The following FRAS1 variants were observed in gnomAD, a reference collection of about 807,000 sequenced individuals.
FRAS1 encodes the protein extracellular matrix organizing protein FRAS1.
FRAS1 carries 290 observed loss-of-function variants against 435.2 expected under a neutral mutation model. The observed-to-expected ratio is 0.67, with a 90% CI of 0.61 to 0.73. FRAS1 has a LOEUF of 0.73. Among genes scored for constraint, FRAS1 ranks in the 30% least tolerant of loss-of-function variants. The probability of loss-of-function intolerance (pLI) is 0.00; values close to 1 mark genes in which losing one functional copy is unlikely to be tolerated. For synonymous variants in FRAS1, 1,800 were observed against 1,851.0 expected (o/e 0.97, Z 0.71); for missense variants, 4,860 against 5,001.5 (o/e 0.97, Z 0.85).
At chr4:78,321,901 G>A (rs1352729803) in intron 18 of FRAS1, among the ~76,000 whole-genome samples, 1 of 150,996 alleles carries the variant, frequency 6.6e-6, no homozygotes, top group Non-Finnish European at 1.5e-5. Context: ...GTGGTCCCAT[G>A]TGAAAGGACT....
Position 78,278,715 on chromosome 4 carries a change from T to G in FRAS1, c.1042T>G (p.Tyr348Asp), listed in dbSNP as rs1348276894. The change falls in exon 10 of 74, where the codon TAT (tyrosine) becomes GAT (aspartate). Residue 348 changes from tyrosine to aspartate, a missense_variant. By Grantham distance (160) the Tyr-to-Asp change is radical. Transcript: ENST00000512123. ...TCCTGAATGCATTTCAAGGAATGGTTATTGTGTTTATGAAGAAACTGGAGA... is the reference window on the plus strand; with the variant it reads ...TCCTGAATGCATTTCAAGGAATGGTGATTGTGTTTATGAAGAAACTGGAGA... Reference protein sequence around the residue: ...CCPECISRNGYCVYEETGEFM... With the variant: ...CCPECISRNGDCVYEETGEFM... 6.2e-7 allele frequency: 1 copy of G among 1,603,078 alleles called. No individual in the cohort carries two copies. The highest frequency in any genetic ancestry group is 1.1e-5 in the South Asian group (1 of 90,274).
At chr4:78,522,868 G>A in intron 69 of FRAS1, 60 bp downstream of exon 69, 1 of 1,426,432 alleles carries the variant, frequency 7.0e-7, no homozygotes, top group Non-Finnish European at 9.4e-7. Flanking sequence ...TTTCTTTCAG[G>A]AGCTTGGGAA....
chr4:78,306,952 A>T (rs996844375), intron 14 of FRAS1, among the ~76,000 whole-genome samples: 17 of 152,144 alleles, frequency 1.1e-4, no homozygotes, highest in African/African-American at 4.1e-4. Flanking sequence ...TGCTTTTTAG[A>T]GTTTCCAGTT....
chr4:78,437,000 AG>A (rs1280691763), intron 38 of FRAS1, among the ~76,000 whole-genome samples: 1 of 152,190 alleles, frequency 6.6e-6, no homozygotes, highest in Non-Finnish European at 1.5e-5. Flanking sequence ...TGAGCAGAAA[AG>A]TTACCTGAGA....
intron 66 of FRAS1, among the ~76,000 whole-genome samples, chr4:78,517,057 C>A (rs1341216390): frequency 6.6e-6 from 1 of 152,170 alleles, no homozygotes; most frequent in Non-Finnish European, 1.5e-5. Context: ...CAATTTTGAG[C>A]AGTTATCTCA....
chr4:78,057,781 G>A lies in FRAS1; in HGVS notation c.-229G>A, dbSNP rs1245139058. The A allele has an allele frequency of 7.3e-6, 4 of 545,452 alleles. No individual in the cohort carries two copies. The highest frequency in any genetic ancestry group is 1.3e-5 in the Non-Finnish European group (4 of 307,018). The allele number at this position is 545,452 out of a possible 1,614,324, so 33.8% of individuals were successfully genotyped here. A position where few individuals can be genotyped will look rare whatever the true frequency, so the allele number is the denominator to read the frequency against. On this transcript the variant is annotated 5_prime_UTR_variant, in exon 1 of 74. Transcript: ENST00000512123. This position sits in a 1 kb window ranked among gnomAD's most constrained non-coding sequence, Gnocchi z 4.2. ...GGCGTCCTGCCTTGCGGGGGAACTC[G>A]GCGCGCTCTCTGCCTGAGCAGCGAG...
At chr4:78,226,758 T>A (rs1319938188) in intron 2 of FRAS1, among the ~76,000 whole-genome samples, 1 of 152,088 alleles carries the variant, frequency 6.6e-6, no homozygotes. Flanking sequence ...GGCCATATTT[T>A]AAAAAAATTT....
At chr4:78,447,544 T>G (rs1288033992) in intron 43 of FRAS1, among the ~76,000 whole-genome samples, 1 of 152,110 alleles carries the variant, frequency 6.6e-6, no homozygotes, top group Non-Finnish European at 1.5e-5. Context: ...TTCGCTTTCT[T>G]GAATGAAGCA....
intron 2 of FRAS1, among the ~76,000 whole-genome samples, chr4:78,199,870 C>T (rs139046597): frequency 6.6e-6 from 1 of 152,230 alleles, no homozygotes; most frequent in East Asian, 1.9e-4. Flanking sequence ...CATGGTGAGT[C>T]AGTACTCAGT....
chr4:78,216,977 A>AT (rs1177568384), intron 2 of FRAS1, among the ~76,000 whole-genome samples: 2 of 152,202 alleles, frequency 1.3e-5, no homozygotes, highest in African/African-American at 4.8e-5. Flanking sequence ...CTGATGAGAA[A>AT]TTTAAGTTTT....
intron 26 of FRAS1, among the ~76,000 whole-genome samples, chr4:78,376,922 A>G (rs1731788999): frequency 6.6e-6 from 1 of 152,058 alleles, no homozygotes; most frequent in Non-Finnish European, 1.5e-5. Flanking sequence ...TGAACCCAGG[A>G]GGTGGAGGTT....
At position 78,432,465 on chromosome 4, in the gene FRAS1, C is replaced by T. The variant is rs772031213; in HGVS notation, c.5078C>T (p.Thr1693Ile). ...GAGATCTCAGTCACAGATGGCCTCA[C>T]AGTGACAATGCTGGAGGTGAGAGTA... is the stretch of plus-strand genomic sequence containing the variant. ...SMEISVTDGL[T>I]VTMLEVRVEV... Residue 1693 changes from threonine to isoleucine, a missense_variant, in exon 38 of 74, where the codon ACA becomes ATA. Physicochemically the swap from Thr to Ile is moderately conservative, Grantham distance 89. Transcript: ENST00000512123. The T allele has an allele frequency of 6.2e-7, 1 of 1,613,428 alleles. No individual in the cohort carries two copies. The highest frequency in any genetic ancestry group is 1.3e-5 in the African/African-American group (1 of 75,060).
At chr4:78,392,646 G>A (rs527732495) in intron 29 of FRAS1, among the ~76,000 whole-genome samples, 179 of 152,052 alleles carry the variant, frequency 1.2e-3, no homozygotes, top group African/African-American at 4.0e-3. Flanking sequence ...AATTTAAAGC[G>A]CTGTTTTAAT....
At position 78,374,230 on chromosome 4, in the gene FRAS1, C is replaced by T; in HGVS notation, c.3130C>T (p.His1044Tyr). 2 of 1,598,508 alleles carry T rather than the reference C, an allele frequency of 1.3e-6. No homozygotes were observed. Among genetic ancestry groups the T allele is most frequent in the Non-Finnish European group, 1.7e-6 (2 of 1,169,244 alleles). The change falls in exon 25 of 74, where the codon CAT becomes TAT. Residue 1044 changes from histidine (H) to tyrosine (Y), a missense_variant. Transcript: ENST00000512123. ...ATGTGGGAAGGGGTACTTTGCAGATCATGCAAAGCACAAATGCACAGGTAA... is the reference window on the plus strand; with the variant it reads ...ATGTGGGAAGGGGTACTTTGCAGATTATGCAAAGCACAAATGCACAGGTAA... ...QECGKGYFAD[H>Y]AKHKCTACPQ...
Position 78,328,603 on chromosome 4 carries a change from C to T in FRAS1, c.2138-4669C>T, listed in dbSNP as rs75889467. Among the ~76,000 whole-genome samples, 690 of 152,246 alleles carry T rather than the reference C, an allele frequency of 4.5e-3. 7 individuals are homozygous for T. The East Asian group carries it at 0.052, about 11-fold the overall frequency. On this transcript the variant is annotated intron_variant, in intron 18 of 73. Transcript: ENST00000512123. ...TCTTTTATAATAATATTTTCTTAAA[C>T]ATCAGTTCATTCATTTTGTAAAAGG... is the stretch of plus-strand genomic sequence containing the variant.
intron 30 of FRAS1, among the ~76,000 whole-genome samples, chr4:78,407,144 C>A (rs1733130730): frequency 6.6e-6 from 1 of 152,190 alleles, no homozygotes; most frequent in South Asian, 2.1e-4. Flanking sequence ...ATCTGAAACA[C>A]TTCTGGTCCT....
intron 20 of FRAS1, among the ~76,000 whole-genome samples, chr4:78,346,649 A>C (rs1186299320): frequency 6.6e-6 from 1 of 152,120 alleles, no homozygotes; most frequent in African/African-American, 2.4e-5. Context: ...CTTCACTCTC[A>C]GTCTACAACT....
intron 32 of FRAS1, among the ~76,000 whole-genome samples, chr4:78,417,726 T>C (rs1386051820): frequency 6.6e-6 from 1 of 152,140 alleles, no homozygotes; most frequent in Admixed American, 6.5e-5. Context: ...TACAATCTTT[T>C]CATGGTTAAA....
intron 2 of FRAS1, among the ~76,000 whole-genome samples, chr4:78,223,395 T>C (rs1037287170): frequency 4.6e-5 from 7 of 152,094 alleles, no homozygotes; most frequent in African/African-American, 1.7e-4. Flanking sequence ...TGAGGAAAGG[T>C]TTACATGTCT....
Sources: gnomAD v4.1 joint callset for allele counts (sites outside exome capture counted in the v4.1 genomes callset) on GRCh38, gnomAD v4.1.1 for gene constraint, Gnocchi (gnomAD v3.1) non-coding constraint, MANE v1.5 for transcripts, NCBI Gene and HGNC (gene_info 2026-07-23, HGNC 2026-07-21) for gene names.